Variants in RNF216 observed in about 807,000 individuals in gnomAD.
The protein encoded by RNF216 is ring finger protein 216.
A neutral mutation model predicts 110.8 loss-of-function variants in RNF216; 72 were observed. The ratio of observed to expected loss-of-function variants is 0.65; its 90% CI spans 0.54 to 0.79. The LOEUF (loss-of-function observed/expected upper bound fraction) is 0.79. RNF216 is among the 30% of genes least tolerant of loss of function. The pLI, the probability that RNF216 is intolerant of heterozygous loss-of-function variation, is 0.00. For missense variants in RNF216, 1,342 were observed against 1,141.2 expected, an observed-to-expected ratio of 1.18 and a Z score of -2.54; for synonymous variants, 495 against 407.5, an observed-to-expected ratio of 1.21 and a Z score of -2.59.
At chr7:5,736,247 G>A (rs1028376981) in intron 5 of RNF216, among the ~76,000 whole-genome samples, 1 of 152,160 alleles carries the variant, frequency 6.6e-6, no homozygotes. Context: ...CCTGCCGAGT[G>A]CCTGTGATTG....
rs756638314 is a variant in RNF216, at chr7:5,622,853, G to A, written c.*7C>T. On this transcript the variant is annotated 3_prime_UTR_variant, in exon 17 of 17. Transcript: ENST00000389902. Reference sequence around the variant, plus strand: ...GCTTTGTGCTGCTCAATGGGGATTCGGGGCCATCAGAAGCGATGCCGCGGC... The same window carrying A: ...GCTTTGTGCTGCTCAATGGGGATTCAGGGCCATCAGAAGCGATGCCGCGGC... 29 of 1,590,904 alleles carry A rather than the reference G, an allele frequency of 1.8e-5. No homozygotes were observed. Among genetic ancestry groups the A allele is most frequent in the South Asian group, 5.6e-5 (5 of 88,692 alleles).
chr7:5,683,662 A>G (rs1348437235), intron 13 of RNF216, among the ~76,000 whole-genome samples: 2 of 152,210 alleles, frequency 1.3e-5, no homozygotes, highest in Non-Finnish European at 2.9e-5. Flanking sequence ...CAGTGTCCTC[A>G]TCAAGGAGAA....
intron 13 of RNF216, among the ~76,000 whole-genome samples, chr7:5,677,327 G>A (rs1790367055): frequency 1.3e-5 from 2 of 152,260 alleles, no homozygotes; most frequent in South Asian, 2.1e-4. Context: ...TGCCATCTGC[G>A]TTCACTAAAG....
rs1793729606 is a variant in RNF216 at position 5,725,986 on chromosome 7, A to G, written c.1390-548T>C. On this transcript the variant is annotated intron_variant, in intron 7 of 16. Transcript: ENST00000389902. ...GATTAAAGAGTAACTAGGGAAAAGA[A>G]AAACTGTTGGCTGGGTGCAGTGGCT... Among the ~76,000 whole-genome samples, 3 of 152,234 alleles carry G rather than the reference A, an allele frequency of 2.0e-5. No individual in the cohort carries two copies. In the South Asian group the frequency reaches 6.2e-4, roughly 31 times the overall value.
chr7:5,633,657 T>C (rs1035302833), intron 15 of RNF216, among the ~76,000 whole-genome samples: 2 of 152,194 alleles, frequency 1.3e-5, no homozygotes, highest in African/African-American at 4.8e-5. Flanking sequence ...TTTCCTTTCC[T>C]TGAATTCCTT....
chr7:5,711,917 T>C (rs757472363), intron 12 of RNF216, 78 bp from the exon 13 acceptor site: 4 of 1,288,618 alleles, frequency 3.1e-6, no homozygotes, highest in African/African-American at 2.9e-5. Context: ...TGGCTGTTCA[T>C]ATGAAGATGG....
At chr7:5,668,013 C>T (rs1789640225) in intron 13 of RNF216, among the ~76,000 whole-genome samples, 1 of 152,138 alleles carries the variant, frequency 6.6e-6, no homozygotes, top group Non-Finnish European at 1.5e-5. Flanking sequence ...TTTTAGGGCG[C>T]TGTGTAAAGA....
At chr7:5,734,143 A>G (rs1370589317) in intron 5 of RNF216, among the ~76,000 whole-genome samples, 2 of 152,232 alleles carry the variant, frequency 1.3e-5, no homozygotes, top group East Asian at 1.9e-4. Context: ...TGGGGCAAGT[A>G]GAGTTCAGGA....
chr7:5,743,683 C>G (rs1794887865), intron 3 of RNF216, among the ~76,000 whole-genome samples: 1 of 152,120 alleles, frequency 6.6e-6, no homozygotes, highest in Non-Finnish European at 1.5e-5. Flanking sequence ...CATACAAATT[C>G]AAAGAAAAGA....
intron 15 of RNF216, among the ~76,000 whole-genome samples, chr7:5,637,678 G>C (rs1000995459): frequency 6.6e-6 from 1 of 152,102 alleles, no homozygotes; most frequent in Non-Finnish European, 1.5e-5. Context: ...TGGGAACACA[G>C]GTGTGCACGC....
chr7:5,674,240 G>A (rs1790120196), intron 13 of RNF216, among the ~76,000 whole-genome samples: 1 of 152,018 alleles, frequency 6.6e-6, no homozygotes, highest in African/African-American at 2.4e-5. Context: ...ATGTTGGTCA[G>A]GCTGGTCTCA....
chr7:5,656,633 C>G (rs1788764151), intron 13 of RNF216, among the ~76,000 whole-genome samples: 1 of 152,174 alleles, frequency 6.6e-6, no homozygotes, highest in African/African-American at 2.4e-5. Flanking sequence ...TTCACGTCAT[C>G]ATGGAGGTTG....
At chr7:5,721,347 C>T (rs1391514978) in intron 8 of RNF216, among the ~76,000 whole-genome samples, 175 bp from the exon 9 acceptor site, 2 of 152,204 alleles carry the variant, frequency 1.3e-5, no homozygotes, top group African/African-American at 2.4e-5. Context: ...ATTAGCCAAC[C>T]TACCATCCAT....
At chr7:5,632,006 C>G (rs1401119830) in intron 15 of RNF216, among the ~76,000 whole-genome samples, 1 of 152,206 alleles carries the variant, frequency 6.6e-6, no homozygotes, top group African/African-American at 2.4e-5. Context: ...AGTGGCTGGA[C>G]CACCAAGGTG....
intron 13 of RNF216, among the ~76,000 whole-genome samples, chr7:5,682,418 T>C (rs2128606367): frequency 6.6e-6 from 1 of 151,630 alleles, no homozygotes; most frequent in East Asian, 1.9e-4. Flanking sequence ...TTTTCTTTTT[T>C]TTTTTTTTTG....
At chr7:5,759,874 A>G (rs917343465) in intron 2 of RNF216, among the ~76,000 whole-genome samples, 6 of 151,408 alleles carry the variant, frequency 4.0e-5, no homozygotes, top group African/African-American at 9.7e-5. Context: ...CTCGTGATCC[A>G]CCCGCCTCGG....
In RNF216 at chr7:5,715,140, C is replaced by A; in HGVS notation, c.1746G>T (p.Glu582Asp). ...GAGCATCTGCGCACTGCGTCAGCTC[C>A]TCGAATGGAAATTCCCCATAGCAGC... ...CRCCYGEFPF[E>D]ELTQCADAHL... The change falls in exon 11 of 17, where the codon GAG becomes GAT. Residue 582 changes from glutamate (E) to aspartate (D), a missense_variant. By Grantham distance (45) the Glu-to-Asp change is conservative (BLOSUM62 2). Transcript: ENST00000389902. 6.2e-7 allele frequency: 1 copy of A among 1,613,922 alleles called. No individual in the cohort carries two copies. Among genetic ancestry groups the A allele is most frequent in the Non-Finnish European group, 8.5e-7 (1 of 1,180,020 alleles).
intron 15 of RNF216, among the ~76,000 whole-genome samples, chr7:5,632,073 G>A (rs1055920985): frequency 2.0e-5 from 3 of 152,206 alleles, no homozygotes; most frequent in Admixed American, 6.5e-5. Flanking sequence ...AAGGATGGCC[G>A]GCAGTTCTCA....
rs770619949 is a variant in RNF216, at chr7:5,761,014, T to G, written c.56A>C (p.His19Pro). 6.4e-7 allele frequency: 1 copy of G among 1,574,644 alleles called. No individual in the cohort carries two copies. ...AACAAACAACTTACCTTGTCCCCGA[T>G]GGCAGTGAAAGTTGTTCAAGTGAAT... The part of the protein sequence containing the change: ...EVIHLNNFHC[H>P]RGQEWINLRD... Residue 19 changes from histidine (H) to proline (P), a missense_variant, in exon 2 of 17, where the codon CAT becomes CCT. Transcript: ENST00000389902.
Sources: gnomAD v4.1 joint callset for allele counts (sites outside exome capture counted in the v4.1 genomes callset) on GRCh38, gnomAD v4.1.1 for gene constraint, MANE v1.5 for transcripts, NCBI Gene and HGNC (gene_info 2026-07-23, HGNC 2026-07-21) for gene names.